PALMD: variants seen among roughly 807,000 people sequenced by gnomAD.
The protein encoded by PALMD is paralemmin-like protein.
Under a neutral mutation model 56.2 loss-of-function variants are expected in PALMD, and 42 were observed. That is an observed-to-expected ratio of 0.75 (90% CI 0.58 to 0.97). The LOEUF (loss-of-function observed/expected upper bound fraction) is 0.97, where lower values mean the gene tolerates loss of function less well. Among genes scored for constraint, PALMD ranks in the 50% least tolerant of loss-of-function variants. The pLI, the probability that PALMD is intolerant of heterozygous loss-of-function variation, is 0.00. For missense variants in PALMD, 660 were observed against 643.8 expected, an observed-to-expected ratio of 1.03 and a Z score of -0.27; for synonymous variants, 242 against 222.9, an observed-to-expected ratio of 1.09 and a Z score of -0.76.
intron 3 of PALMD, chr1:99,669,064 T>C (rs976853626): frequency 6.6e-6 from 1 of 152,226 alleles, no homozygotes; most frequent in East Asian, 1.9e-4. Context: ...GTATCTGTGC[T>C]ACGACCGCAT....
In PALMD at chr1:99,689,245, C is replaced by T. The variant is rs540907116; in HGVS notation, c.985C>T (p.Pro329Ser). Residue 329 changes from proline (P) to serine (S), a missense_variant, in exon 7 of 8, where the codon CCC becomes TCC. Coordinates refer to ENST00000263174, the MANE Select transcript of PALMD (RefSeq NM_017734.5). ...CAGTCCCATTCCGCCAGTGCCTCAT[C>T]CCCGATCAGTGATTCAACAAGCAGA... is the stretch of plus-strand genomic sequence containing the variant. ...HISPIPPVPHPRSVIQQAEEK... is the reference protein window; with the variant it reads ...HISPIPPVPHSRSVIQQAEEK... 2.5e-6 allele frequency: 4 copies of T among 1,613,604 alleles called. No individual in the cohort carries two copies. Among genetic ancestry groups the T allele is most frequent in the South Asian group, 1.1e-5 (1 of 91,054 alleles).
intron 1 of PALMD, among the ~76,000 whole-genome samples, chr1:99,655,290 A>G (rs1652697142): frequency 6.6e-6 from 1 of 152,124 alleles, no homozygotes; most frequent in Admixed American, 6.5e-5. Flanking sequence ...GTCTTAGATG[A>G]TAAATAATAT....
intron 7 of PALMD, among the ~76,000 whole-genome samples, chr1:99,691,677 C>T (rs536415381): frequency 2.1e-4 from 32 of 152,242 alleles, no homozygotes; most frequent in South Asian, 1.7e-3. Context: ...TAACCACCTA[C>T]GTACTTCCAT....
intron 3 of PALMD, among the ~76,000 whole-genome samples, chr1:99,680,007 G>T (rs1049350992): frequency 1.3e-5 from 2 of 152,214 alleles, no homozygotes; most frequent in Non-Finnish European, 2.9e-5. Flanking sequence ...GTAGGATGAT[G>T]ACTTTTGAAT....
rs897665490 is a variant in PALMD at position 99,646,282 on chromosome 1, A to G, written c.-36A>G. 3.8e-6 allele frequency: 6 copies of G among 1,592,596 alleles called. No homozygotes were observed. The highest frequency in any genetic ancestry group is 4.3e-6 in the Non-Finnish European group (5 of 1,160,586). ...GCTCCTTGATTTATGGTAGCTTTGG[A>G]CTTGCTTCCCCGTCTGACTGTCCTT... On this transcript the variant is annotated 5_prime_UTR_variant, in exon 1 of 8. Transcript: ENST00000263174.
intron 7 of PALMD, among the ~76,000 whole-genome samples, chr1:99,690,460 C>G (rs969933945): frequency 6.6e-6 from 1 of 151,924 alleles, no homozygotes; most frequent in African/African-American, 2.4e-5. Context: ...GCATAGTGTT[C>G]CCCAACTTAG....
chr1:99,689,320 T>C lies in PALMD; in HGVS notation c.1060T>C (p.Ser354Pro). The C allele has an allele frequency of 6.2e-7, 1 of 1,613,436 alleles. No individual in the cohort carries two copies. Among genetic ancestry groups the C allele is most frequent in the Middle Eastern group, 1.7e-4 (1 of 6,054 alleles). The stretch of plus-strand genomic sequence containing the variant: ...AAGGCTAATGACTCCTTGGGAAGAA[T>C]CGAATGTCATGCAGGACAAAGATGC... ...QKRLMTPWEE[S>P]NVMQDKDAPS... The change falls in exon 7 of 8, where the codon TCG becomes CCG. Residue 354 changes from serine to proline, a missense_variant. Coordinates refer to ENST00000263174, the MANE Select transcript of PALMD (RefSeq NM_017734.5).
chr1:99,657,797 T>C (rs1196245642), intron 1 of PALMD, among the ~76,000 whole-genome samples: 1 of 152,158 alleles, frequency 6.6e-6, no homozygotes, highest in African/African-American at 2.4e-5. Context: ...GTCCCACATT[T>C]TTTAGAATTT....
chr1:99,684,339 G>A (rs568109840), intron 3 of PALMD: 1 of 152,208 alleles, frequency 6.6e-6, no homozygotes, highest in African/African-American at 2.4e-5. Flanking sequence ...TTGGCATCCG[G>A]CCCCTTATAG....
At chr1:99,686,526 T>A in intron 3 of PALMD, 150 bp from the exon 4 acceptor site, 1 of 527,504 alleles carries the variant, frequency 1.9e-6, no homozygotes, top group Non-Finnish European at 3.4e-6. Context: ...TCATGCTTAG[T>A]GTGATGCTAA....
chr1:99,652,295 C>A (rs1443207859), intron 1 of PALMD, among the ~76,000 whole-genome samples: 1 of 152,112 alleles, frequency 6.6e-6, no homozygotes. Context: ...CACCCCTGAC[C>A]CCTGTTCAGG....
intron 3 of PALMD, among the ~76,000 whole-genome samples, chr1:99,678,349 C>T (rs931953657): frequency 6.6e-6 from 1 of 152,126 alleles, no homozygotes; most frequent in Non-Finnish European, 1.5e-5. Context: ...AAGTTATCCA[C>T]TCGCCTCAGC....
At chr1:99,667,484 A>ATGAAAG (rs1283300390) in intron 2 of PALMD, 158 bp from the exon 3 acceptor site, 1 of 680,362 alleles carries the variant, frequency 1.5e-6, no homozygotes, top group African/African-American at 1.8e-5. Flanking sequence ...GAAGGTTACA[A>ATGAAAG]TGAAAGAAAA....
chr1:99,680,115 G>C (rs1178982271), intron 3 of PALMD, among the ~76,000 whole-genome samples: 2 of 152,174 alleles, frequency 1.3e-5, no homozygotes, highest in African/African-American at 4.8e-5. Flanking sequence ...TCCACCAAAA[G>C]CTGAGAGAGA....
chr1:99,686,713 C>T lies in PALMD; in HGVS notation c.289C>T (p.Leu97=), dbSNP rs1473927664. 6.2e-7 allele frequency: 1 copy of T among 1,606,448 alleles called. No homozygotes were observed. The highest frequency in any genetic ancestry group is 1.3e-5 in the African/African-American group (1 of 74,652). The change falls in exon 4 of 8, where the codon CTG becomes TTG. Residue 97 remains leucine (L), a synonymous_variant. Transcript: ENST00000263174. ...GATCCAAGATCTTGAAAAAGCTGAA[C>T]TGCAAATCTCAACGAAGGAAGAGGC... is the stretch of plus-strand genomic sequence containing the variant. The part of the protein sequence containing the change: ...KEIQDLEKAE[L]QISTKEEAIL...
intron 6 of PALMD, among the ~76,000 whole-genome samples, chr1:99,688,014 T>C (rs557924474): frequency 6.6e-6 from 1 of 152,274 alleles, no homozygotes; most frequent in South Asian, 2.1e-4. Context: ...TTACCTTTCC[T>C]ATTGAAATTC....
intron 3 of PALMD, chr1:99,668,896 G>A (rs1396448867): frequency 2.0e-5 from 3 of 151,970 alleles, no homozygotes; most frequent in African/African-American, 7.3e-5. Flanking sequence ...ACCTACAAAG[G>A]GAAAATATTT....
At chr1:99,646,642 A>T (rs754553115) in intron 1 of PALMD, among the ~76,000 whole-genome samples, 2 of 152,002 alleles carry the variant, frequency 1.3e-5, no homozygotes, top group Non-Finnish European at 2.9e-5. Flanking sequence ...TATCTTTCAC[A>T]CTCTGTGGTG....
Position 99,694,074 on chromosome 1 carries a change from C to T in PALMD, c.*12C>T. 6.5e-7 allele frequency: 1 copy of T among 1,544,778 alleles called. No homozygotes were observed. Among genetic ancestry groups the T allele is most frequent in the Non-Finnish European group, 8.9e-7 (1 of 1,121,300 alleles). ...AAAAGGTGATCTAAGAGTTGTACCA[C>T]CTATATAAACATCCTTTGAAGAAGA... On this transcript the variant is annotated 3_prime_UTR_variant, in exon 8 of 8. Coordinates refer to ENST00000263174, the MANE Select transcript of PALMD (RefSeq NM_017734.5).
Sources: allele counts gnomAD v4.1 joint callset (sites outside exome capture counted in the v4.1 genomes callset), GRCh38; gene constraint gnomAD v4.1.1; transcripts MANE v1.5; gene names NCBI Gene and HGNC (gene_info 2026-07-23, HGNC 2026-07-21).